IGSF11: variants seen among roughly 807,000 people sequenced by gnomAD.
The protein encoded by IGSF11 is CXADR like 1.
IGSF11 carries 22 observed loss-of-function variants against 41.0 expected under a neutral mutation model. That is an observed-to-expected ratio of 0.54 (90% CI 0.38 to 0.77). The LOEUF is 0.77. IGSF11 is among the 30% of genes least tolerant of loss of function. IGSF11 has a pLI of 0.00. For synonymous variants in IGSF11, 219 were observed against 201.3 expected, an observed-to-expected ratio of 1.09 and a Z score of -0.74; for missense variants, 444 against 530.8, an observed-to-expected ratio of 0.84 and a Z score of 1.61.
chr3:119,034,545 A>C lies in IGSF11; in HGVS notation c.38T>G (p.Leu13Arg). Reference protein sequence around the residue: ...SQRSPLAPLLLLSLHGVAASL... With the variant: ...SQRSPLAPLLRLSLHGVAASL... ...GAGCTACTCACCGTGCAGAGAGAGGAGCAGCAAAGGCGCCAGAGGGGAACG... is the reference window on the plus strand; with the variant it reads ...GAGCTACTCACCGTGCAGAGAGAGGCGCAGCAAAGGCGCCAGAGGGGAACG... Residue 13 changes from leucine (L) to arginine (R), a missense_variant, in exon 1 of 7, where the codon CTC becomes CGC. Coordinates refer to ENST00000393775, the MANE Select transcript of IGSF11 (RefSeq NM_001015887.3). 1 of 1,592,126 alleles carries C rather than the reference A, an allele frequency of 6.3e-7. No homozygotes were observed. The highest frequency in any genetic ancestry group is 8.5e-7 in the Non-Finnish European group (1 of 1,170,260).
chr3:118,952,009 T>C (rs1164915779), intron 1 of IGSF11, among the ~76,000 whole-genome samples: 1 of 152,046 alleles, frequency 6.6e-6, no homozygotes, highest in African/African-American at 2.4e-5. Context: ...ACCACCAAAA[T>C]AAGGTAAAAA....
chr3:119,049,768 C>A (rs1322937564), intron 1 of IGSF11, among the ~76,000 whole-genome samples: 1 of 151,568 alleles, frequency 6.6e-6, no homozygotes, highest in Non-Finnish European at 1.5e-5. Context: ...GCTACAGTAA[C>A]CAAAACAGCA....
At chr3:119,087,373 T>TACACACAC (rs200774982) in intron 1 of IGSF11, among the ~76,000 whole-genome samples, 4 of 147,508 alleles carry the variant, frequency 2.7e-5, no homozygotes, top group Non-Finnish European at 4.5e-5. Flanking sequence ...GAAAATGTTA[T>TACACACAC]ACACACACAC....
At chr3:119,050,867 A>G (rs907352473) in intron 1 of IGSF11, among the ~76,000 whole-genome samples, 1 of 151,956 alleles carries the variant, frequency 6.6e-6, no homozygotes, top group African/African-American at 2.4e-5. Context: ...GAAATTGGAA[A>G]TCATCATTCT....
intron 5 of IGSF11, 21 bp downstream of exon 5, chr3:118,905,575 T>A: frequency 3.1e-6 from 5 of 1,613,464 alleles, no homozygotes; most frequent in Non-Finnish European, 4.2e-6. Context: ...ATGGTTGACA[T>A]CAGAATTTCC....
chr3:118,989,751 T>C (rs959575841), intron 1 of IGSF11, among the ~76,000 whole-genome samples: 2 of 152,212 alleles, frequency 1.3e-5, no homozygotes, highest in African/African-American at 4.8e-5. Context: ...TTTCTAGTAT[T>C]TCATTTTTAT....
At chr3:119,018,379 A>C (rs954937009) in intron 1 of IGSF11, among the ~76,000 whole-genome samples, 2 of 152,244 alleles carry the variant, frequency 1.3e-5, no homozygotes, top group Non-Finnish European at 2.9e-5. Context: ...AGATTTGCTC[A>C]TAACTCCTAT....
intron 1 of IGSF11, among the ~76,000 whole-genome samples, chr3:119,019,440 T>A (rs1452818637): frequency 6.7e-6 from 1 of 149,808 alleles, no homozygotes; most frequent in Non-Finnish European, 1.5e-5. Context: ...CTGAATTTAG[T>A]TATTTCAGGC....
At chr3:118,932,142 A>G (rs1337328801) in intron 1 of IGSF11, among the ~76,000 whole-genome samples, 1 of 152,240 alleles carries the variant, frequency 6.6e-6, no homozygotes, top group Non-Finnish European at 1.5e-5. Flanking sequence ...GAGCCAACTC[A>G]TGGGAAGTCA....
At chr3:119,138,537 T>G (rs1252905461) in intron 1 of IGSF11, among the ~76,000 whole-genome samples, 1 of 152,048 alleles carries the variant, frequency 6.6e-6, no homozygotes, top group Non-Finnish European at 1.5e-5. Context: ...ATACAAAAAT[T>G]TTCTAGGCAT....
chr3:118,984,203 T>C (rs894955153), intron 1 of IGSF11, among the ~76,000 whole-genome samples: 6 of 152,140 alleles, frequency 3.9e-5, no homozygotes, highest in African/African-American at 1.4e-4. Flanking sequence ...TTGCCTCTTT[T>C]TTACATCCTG....
At chr3:118,913,065 G>C (rs139660531) in intron 4 of IGSF11, among the ~76,000 whole-genome samples, 18 of 151,698 alleles carry the variant, frequency 1.2e-4, no homozygotes, top group African/African-American at 4.1e-4. Context: ...ACAGCCATCA[G>C]AGTAGAAGAG....
At chr3:119,002,441 T>C (rs1221652582) in intron 1 of IGSF11, among the ~76,000 whole-genome samples, 1 of 148,398 alleles carries the variant, frequency 6.7e-6, no homozygotes, top group Non-Finnish European at 1.5e-5. Flanking sequence ...ACTCTGATGG[T>C]ACTTTCTTTT....
At chr3:119,062,243 A>G (rs1307539649) in intron 1 of IGSF11, among the ~76,000 whole-genome samples, 2 of 152,326 alleles carry the variant, frequency 1.3e-5, no homozygotes, top group Non-Finnish European at 2.9e-5. Flanking sequence ...TTCCACCCAA[A>G]TATTTCACTG....
chr3:119,007,869 C>T (rs1253494971), intron 1 of IGSF11, among the ~76,000 whole-genome samples: 1 of 152,192 alleles, frequency 6.6e-6, no homozygotes, highest in African/African-American at 2.4e-5. Flanking sequence ...TCTAGTCAAG[C>T]TGCCTAAATA....
intron 1 of IGSF11, among the ~76,000 whole-genome samples, chr3:119,042,670 G>C (rs1240202943): frequency 1.3e-5 from 2 of 152,114 alleles, no homozygotes; most frequent in African/African-American, 4.8e-5. Context: ...ACACCTGATG[G>C]TTTTTCTCTA....
At chr3:118,914,597 A>C (rs1413722102) in intron 4 of IGSF11, among the ~76,000 whole-genome samples, 1 of 149,902 alleles carries the variant, frequency 6.7e-6, no homozygotes, top group Non-Finnish European at 1.5e-5. Context: ...CCTGGCTCGG[A>C]GGGTCCTACG....
chr3:118,969,817 G>C (rs1452656235), intron 1 of IGSF11, among the ~76,000 whole-genome samples: 8 of 152,182 alleles, frequency 5.3e-5, no homozygotes, highest in Admixed American at 5.2e-4. Context: ...TAGAGGAACG[G>C]AAGGATGGGT....
chr3:118,982,162 T>C (rs1226606862), intron 1 of IGSF11, among the ~76,000 whole-genome samples: 1 of 152,120 alleles, frequency 6.6e-6, no homozygotes, highest in East Asian at 1.9e-4. Flanking sequence ...GGTTAGACTG[T>C]CCACCGGGAT....
Sources: gnomAD v4.1 joint callset for allele counts (sites outside exome capture counted in the v4.1 genomes callset) on GRCh38, gnomAD v4.1.1 for gene constraint, MANE v1.5 for transcripts, NCBI Gene and HGNC (gene_info 2026-07-23, HGNC 2026-07-21) for gene names.